The following KCNG3 variants were observed in gnomAD, a reference collection of about 807,000 sequenced individuals.
The protein encoded by KCNG3 is potassium voltage-gated channel modifier subfamily G member 3.
A neutral mutation model predicts 29.0 loss-of-function variants in KCNG3; 15 were observed. The ratio of observed to expected loss-of-function variants is 0.52; its 90% CI spans 0.35 to 0.80. The LOEUF (loss-of-function observed/expected upper bound fraction) is 0.80, where lower values mean the gene tolerates loss of function less well. Ranked by LOEUF, KCNG3 falls within the 30% of genes least tolerant of loss-of-function variation. The pLI is 0.01. For missense variants in KCNG3, 512 were observed against 605.7 expected, an observed-to-expected ratio of 0.85 and a Z score of 1.62; for synonymous variants, 322 against 248.9, an observed-to-expected ratio of 1.29 and a Z score of -2.76.
intron 1 of KCNG3, among the ~76,000 whole-genome samples, chr2:42,485,322 C>T (rs1049138274): frequency 6.6e-6 from 1 of 152,146 alleles, no homozygotes; most frequent in African/African-American, 2.4e-5. Flanking sequence ...CAAACAAGAA[C>T]ACTTAAGCTG....
intron 1 of KCNG3, among the ~76,000 whole-genome samples, chr2:42,457,330 G>GAA (rs34377811): frequency 3.9e-4 from 53 of 135,884 alleles, no homozygotes; most frequent in East Asian, 6.3e-4. Flanking sequence ...GCAAAATACA[G>GAA]AAAAAAAAAA....
At chr2:42,486,716 G>C (rs1673734605) in intron 1 of KCNG3, among the ~76,000 whole-genome samples, 2 of 152,180 alleles carry the variant, frequency 1.3e-5, no homozygotes, top group African/African-American at 4.8e-5. Flanking sequence ...AATCTGAAAT[G>C]ATTTGCTTAC....
At chr2:42,407,662 C>T in the KCNG3 span, among the ~76,000 whole-genome samples, 1 of 152,120 alleles carries the variant, frequency 6.6e-6, no homozygotes, top group Non-Finnish European at 1.5e-5. Flanking sequence ...GCCCAAATCA[C>T]AGCTGCAGAC....
intron 1 of KCNG3, among the ~76,000 whole-genome samples, chr2:42,473,724 A>G (rs1429993587): frequency 6.6e-6 from 1 of 152,196 alleles, no homozygotes; most frequent in African/African-American, 2.4e-5. Context: ...GTAGTCAAGA[A>G]AAACACATTT....
chr2:42,490,956 T>C (rs1481623457), intron 1 of KCNG3, among the ~76,000 whole-genome samples: 1 of 152,166 alleles, frequency 6.6e-6, no homozygotes, highest in Non-Finnish European at 1.5e-5. Flanking sequence ...CTGCAGTTTA[T>C]CTGTTTGGGA....
intron 1 of KCNG3, among the ~76,000 whole-genome samples, chr2:42,468,929 G>C (rs1673212610): frequency 8.1e-6 from 1 of 123,062 alleles, no homozygotes; most frequent in Non-Finnish European, 1.6e-5. Flanking sequence ...ACTACAGCCT[G>C]GGCGACACAG....
downstream of KCNG3, among the ~76,000 whole-genome samples, chr2:42,440,740 A>G (rs544173385): frequency 2.2e-3 from 329 of 152,360 alleles, no homozygotes; most frequent in African/African-American, 7.7e-3. Context: ...AACTGTTTCA[A>G]TTAGCAACAA....
the KCNG3 span, among the ~76,000 whole-genome samples, chr2:42,434,032 T>C: frequency 6.6e-6 from 1 of 152,188 alleles, no homozygotes; most frequent in Non-Finnish European, 1.5e-5. Context: ...TATTCATAGA[T>C]TAGAAGACTT....
At chr2:42,480,314 C>T (rs1035214901) in intron 1 of KCNG3, among the ~76,000 whole-genome samples, 3 of 152,182 alleles carry the variant, frequency 2.0e-5, no homozygotes, top group South Asian at 2.1e-4. Context: ...ATCTTACAGA[C>T]AAGCAAACTC....
chr2:42,492,074 C>T (rs1048106857), intron 1 of KCNG3, among the ~76,000 whole-genome samples: 1 of 152,174 alleles, frequency 6.6e-6, no homozygotes, highest in African/African-American at 2.4e-5. Flanking sequence ...TTTTCCCATT[C>T]ATCCTAGTAA....
chr2:42,431,342 A>G, the KCNG3 span, among the ~76,000 whole-genome samples: 1 of 151,974 alleles, frequency 6.6e-6, no homozygotes, highest in African/African-American at 2.4e-5. Context: ...TTAAATAAAT[A>G]TGTAACATTA....
At chr2:42,429,281 G>A in the KCNG3 span, among the ~76,000 whole-genome samples, 1 of 152,066 alleles carries the variant, frequency 6.6e-6, no homozygotes. Flanking sequence ...CAAGGTAGAT[G>A]CTCCTTTATT....
At chr2:42,438,982 A>C (rs1672422466), downstream of KCNG3, among the ~76,000 whole-genome samples, 1 of 152,242 alleles carries the variant, frequency 6.6e-6, no homozygotes, top group East Asian at 1.9e-4. Flanking sequence ...GGAACTTTCC[A>C]GAACATTCCA....
At chr2:42,485,414 A>G (rs377642661) in intron 1 of KCNG3, among the ~76,000 whole-genome samples, 39 of 152,004 alleles carry the variant, frequency 2.6e-4, no homozygotes, top group African/African-American at 8.5e-4. Flanking sequence ...GACCTTTCAG[A>G]AGTCACAACT....
intron 1 of KCNG3, among the ~76,000 whole-genome samples, chr2:42,487,824 T>C (rs1460436939): frequency 6.6e-6 from 1 of 152,194 alleles, no homozygotes; most frequent in East Asian, 1.9e-4. Flanking sequence ...GGATAATCAC[T>C]GCAGCGTTTA....
chr2:42,447,912 CAG>C (rs1206874761), intron 1 of KCNG3, among the ~76,000 whole-genome samples: 1 of 152,120 alleles, frequency 6.6e-6, no homozygotes, highest in African/African-American at 2.4e-5. Context: ...ATTACTGGAT[CAG>C]AGAAGATACA....
chr2:42,428,432 G>T, the KCNG3 span, among the ~76,000 whole-genome samples: 1 of 135,206 alleles, frequency 7.4e-6, no homozygotes, highest in Non-Finnish European at 1.5e-5. Flanking sequence ...CTGCACTCCA[G>T]TTGGGGTGAG....
chr2:42,440,454 G>C (rs1874450), downstream of KCNG3: 1 of 139,932 alleles, frequency 7.1e-6, no homozygotes, highest in East Asian at 2.1e-4. Flanking sequence ...TTCAAATATT[G>C]TTTTGCATCT....
the KCNG3 span, among the ~76,000 whole-genome samples, chr2:42,392,031 G>C: frequency 6.6e-6 from 1 of 152,190 alleles, no homozygotes; most frequent in Middle Eastern, 3.4e-3. Context: ...CAAAATCTTA[G>C]GGATCTCTTT....
Sources: gnomAD v4.1 joint callset for allele counts (sites outside exome capture counted in the v4.1 genomes callset) on GRCh38, gnomAD v4.1.1 for gene constraint, MANE v1.5 for transcripts, NCBI Gene and HGNC (gene_info 2026-07-23, HGNC 2026-07-21) for gene names.